EHBP1: variants seen among roughly 807,000 people sequenced by gnomAD.
EHBP1 encodes the protein EH domain-binding protein 1.
In EHBP1, 55 loss-of-function variants were observed where a neutral mutation model predicts 144.0. The ratio of observed to expected loss-of-function variants is 0.38; its 90% confidence interval spans 0.31 to 0.48. EHBP1 has a LOEUF of 0.48. EHBP1 is among the 20% of genes least tolerant of loss of function. The pLI, the probability that EHBP1 is intolerant of heterozygous loss-of-function variation, is 0.98. For synonymous variants in EHBP1, 469 were observed against 472.7 expected (o/e 0.99, Z 0.10); for missense variants, 1,200 against 1,364.2 (o/e 0.88, Z 1.90).
chr2:62,835,357 A>G (rs2047130844), intron 7 of EHBP1, among the ~76,000 whole-genome samples: 1 of 152,162 alleles, frequency 6.6e-6, no homozygotes, highest in Non-Finnish European at 1.5e-5. Flanking sequence ...CATTTTTCAT[A>G]GAGTAACTTA....
At position 62,863,879 on chromosome 2, in the gene EHBP1, C is replaced by A. The variant is rs1254655329; in HGVS notation, c.758-852C>A. 2.5e-4 allele frequency among the ~76,000 whole-genome samples: 28 copies of A among 111,536 alleles called. No individual in the cohort carries two copies. In the Admixed American group the frequency reaches 2.8e-3, roughly 11 times the overall value. The allele number at this position is 111,536 out of a possible 152,430, so 73.2% of individuals were successfully genotyped here. On this transcript the variant is annotated intron_variant, in intron 8 of 22. Coordinates refer to ENST00000431489, the MANE Select transcript of EHBP1 (RefSeq NM_001142616.3). Reference sequence around the variant, plus strand: ...TTTTTTTTTTTTAAACAGAGTCTCGCTCTGTTGCCCAGACTATAGTTCAGT... The same window carrying A: ...TTTTTTTTTTTTAAACAGAGTCTCGATCTGTTGCCCAGACTATAGTTCAGT...
intron 10 of EHBP1, among the ~76,000 whole-genome samples, chr2:62,929,172 A>C (rs950490077): frequency 6.6e-6 from 1 of 152,194 alleles, no homozygotes; most frequent in Admixed American, 6.5e-5. Context: ...AAGAACCAAC[A>C]CTAATTCTTC....
chr2:62,784,153 T>G (rs1472513663), intron 5 of EHBP1, among the ~76,000 whole-genome samples: 3 of 152,218 alleles, frequency 2.0e-5, no homozygotes, highest in Non-Finnish European at 4.4e-5. Context: ...AAACTACTAA[T>G]TAAATCACTA....
intron 5 of EHBP1, among the ~76,000 whole-genome samples, chr2:62,822,834 C>T (rs993242261): frequency 2.0e-5 from 3 of 152,040 alleles, no homozygotes; most frequent in Admixed American, 6.6e-5. Flanking sequence ...GTGCTACAGT[C>T]GAATCCAGGT....
intron 3 of EHBP1, among the ~76,000 whole-genome samples, chr2:62,750,306 T>C (rs2039561186): frequency 1.3e-5 from 2 of 152,236 alleles, no homozygotes; most frequent in African/African-American, 4.8e-5. Flanking sequence ...ATGTGTGGTA[T>C]TATTTCTGAG....
At position 63,019,244 on chromosome 2, in the gene EHBP1, T is replaced by C. The variant is rs531466417; in HGVS notation, c.3104-18291T>C. ...AATACAGGTGATCCACAGACCACATTTGAGAAACACAGAGTGAAGATGTGC... is the reference window on the plus strand; with the variant it reads ...AATACAGGTGATCCACAGACCACATCTGAGAAACACAGAGTGAAGATGTGC... On this transcript the variant is annotated intron_variant, in intron 19 of 22. Transcript: ENST00000431489. Among the ~76,000 whole-genome samples the C allele has an allele frequency of 4.6e-5, 7 of 152,230 alleles. No individual in the cohort carries two copies. The East Asian group carries it at 5.8e-4, about 13-fold the overall frequency.
chr2:62,990,941 C>G (rs1221964639), intron 16 of EHBP1, 101 bp downstream of exon 16: 1 of 1,402,752 alleles, frequency 7.1e-7, no homozygotes, highest in African/African-American at 1.5e-5. Context: ...TAATTTTTCA[C>G]CAATATTAAG....
At chr2:62,949,675 T>G (rs2057275903) in intron 13 of EHBP1, among the ~76,000 whole-genome samples, 1 of 152,222 alleles carries the variant, frequency 6.6e-6, no homozygotes, top group Admixed American at 6.5e-5. Flanking sequence ...ATTTCCCATT[T>G]AAAACATTTT....
At chr2:62,978,344 G>A (rs1395177378) in intron 14 of EHBP1, among the ~76,000 whole-genome samples, 2 of 151,900 alleles carry the variant, frequency 1.3e-5, no homozygotes. Context: ...GGGACTACAG[G>A]CACGTGCCAC....
chr2:62,709,200 A>G (rs2034888647), intron 2 of EHBP1, among the ~76,000 whole-genome samples: 1 of 152,100 alleles, frequency 6.6e-6, no homozygotes, highest in Admixed American at 6.6e-5. Flanking sequence ...GGAGAGAATT[A>G]ACTGGAGGAA....
In EHBP1 at chr2:62,855,532, C is replaced by A. The variant is rs551729264; in HGVS notation, c.635-3637C>A. On this transcript the variant is annotated intron_variant, in intron 7 of 22. Coordinates refer to ENST00000431489, the MANE Select transcript of EHBP1 (RefSeq NM_001142616.3). ...GGCCTGAAGGCTGGGGGCCAGGCTG[C>A]CAGTTCCACAGACCAGAGTGGGAGG... Among the ~76,000 whole-genome samples the A allele has an allele frequency of 5.9e-5, 9 of 152,272 alleles. No individual in the cohort carries two copies. In the East Asian group the frequency reaches 1.7e-3, roughly 30 times the overall value.
intron 14 of EHBP1, among the ~76,000 whole-genome samples, chr2:62,978,201 C>CT (rs1337320404): frequency 4.9e-3 from 690 of 139,554 alleles, no homozygotes; most frequent in Middle Eastern, 7.4e-3. Context: ...ATTAATAATC[C>CT]TTTTTTTTTT....
chr2:63,004,168 T>G (rs2059945215), intron 19 of EHBP1, among the ~76,000 whole-genome samples: 1 of 152,058 alleles, frequency 6.6e-6, no homozygotes, highest in South Asian at 2.1e-4. Flanking sequence ...TTTCCTTCTG[T>G]ACAAATTTAA....
chr2:62,870,662 G>A (rs1391837957), intron 9 of EHBP1, among the ~76,000 whole-genome samples: 3 of 142,438 alleles, frequency 2.1e-5, no homozygotes, highest in African/African-American at 8.0e-5. Context: ...GTTGCAGTGA[G>A]CCCAGATCAT....
In EHBP1 at chr2:62,688,267, C is replaced by T. The variant is rs1040923567; in HGVS notation, c.-296+14184C>T. On this transcript the variant is annotated intron_variant, in intron 1 of 22. Transcript: ENST00000405015. ...TCAGCAATGTTATATACTCTACGCT[C>T]CCCTCAGAAGCAACAGAAAGGGAGG... Among the ~76,000 whole-genome samples the T allele has an allele frequency of 1.9e-4, 29 of 152,114 alleles. 1 individual carries two copies. Among genetic ancestry groups the T allele is most frequent in the Admixed American group, 1.6e-3 (25 of 15,274 alleles).
rs559853935 is a variant in EHBP1, at chr2:62,957,311, A to G, written c.2460+1651A>G. On this transcript the variant is annotated intron_variant, in intron 14 of 22. Coordinates refer to ENST00000431489, the MANE Select transcript of EHBP1 (RefSeq NM_001142616.3). ...CATGATCCACAGAGAGAAAAGAATC[A>G]CATTTCTTAGCCTCTAGGGATAGAA... Among the ~76,000 whole-genome samples the G allele has an allele frequency of 7.9e-5, 12 of 152,316 alleles. No individual in the cohort carries two copies. In the South Asian group the frequency reaches 2.3e-3, roughly 29 times the overall value.
In EHBP1 at chr2:62,693,160, G is replaced by A. The variant is rs536280830; in HGVS notation, c.-295-13737G>A. ...ATTTCACTTAACATAATGACCTCCA[G>A]TACCATCTATGCTGTTGCAAATAAC... is the stretch of plus-strand genomic sequence containing the variant. On this transcript the variant is annotated intron_variant, in intron 1 of 22. Transcript: ENST00000405015. Among the ~76,000 whole-genome samples, 6 of 152,148 alleles carry A rather than the reference G, an allele frequency of 3.9e-5. No individual in the cohort carries two copies. In the South Asian group the frequency reaches 1.2e-3, roughly 32 times the overall value.
chr2:63,037,679 A>G (rs1362531045), intron 20 of EHBP1, 45 bp downstream of exon 20: 2 of 1,140,794 alleles, frequency 1.8e-6, no homozygotes, highest in Admixed American at 2.3e-5. Context: ...ACATTGATAA[A>G]TCTTAGGCCT....
At chr2:62,923,425 C>T (rs1047076365) in intron 10 of EHBP1, among the ~76,000 whole-genome samples, 4 of 152,142 alleles carry the variant, frequency 2.6e-5, no homozygotes, top group Admixed American at 6.6e-5. Flanking sequence ...TGTGATTGCA[C>T]CCTGAGAAAT....
Sources: gnomAD v4.1 joint callset for allele counts (sites outside exome capture counted in the v4.1 genomes callset) on GRCh38, gnomAD v4.1.1 for gene constraint, MANE v1.5 for transcripts, NCBI Gene and HGNC (gene_info 2026-07-23, HGNC 2026-07-21) for gene names.